The following PPP2R3A variants were observed in gnomAD, a reference collection of about 807,000 sequenced individuals.
The protein encoded by PPP2R3A is protein phosphatase 2 regulatory subunit B''alpha, also known as serine/threonine-protein phosphatase 2A regulatory subunit B'' subunit alpha.
Under a neutral mutation model 106.9 loss-of-function variants are expected in PPP2R3A, and 80 were observed. The observed-to-expected ratio is 0.75, with a 90% CI of 0.62 to 0.90. PPP2R3A has a LOEUF of 0.90. PPP2R3A is among the 40% of genes least tolerant of loss of function. PPP2R3A has a pLI of 0.00. For synonymous variants in PPP2R3A, 483 were observed against 468.3 expected, an observed-to-expected ratio of 1.03 and a Z score of -0.41; for missense variants, 1,386 against 1,350.4, an observed-to-expected ratio of 1.03 and a Z score of -0.41.
intron 2 of PPP2R3A, among the ~76,000 whole-genome samples, chr3:136,023,746 A>T (rs999437273): frequency 4.6e-5 from 7 of 152,082 alleles, no homozygotes; most frequent in African/African-American, 1.7e-4. Flanking sequence ...GATAACAAAG[A>T]CTGGTGGTTA....
chr3:136,147,605 A>G lies in PPP2R3A; in HGVS notation c.*2439A>G, dbSNP rs765569214. On this transcript the variant is annotated 3_prime_UTR_variant, in exon 14 of 14. Transcript: ENST00000264977. ...ACTGCCAAACTGGAATTTTCAAGTTATTATAATATCCCAGGCCCCTTGATA... is the reference window on the plus strand; with the variant it reads ...ACTGCCAAACTGGAATTTTCAAGTTGTTATAATATCCCAGGCCCCTTGATA... 9 of 152,546 alleles carry G rather than the reference A, an allele frequency of 5.9e-5. No homozygotes were observed. The highest frequency in any genetic ancestry group is 1.2e-4 in the Non-Finnish European group (8 of 67,942). The allele number at this position is 152,546 out of a possible 1,614,324, so 9.4% of individuals were successfully genotyped here.
chr3:136,009,378 T>C (rs902362728), intron 2 of PPP2R3A, among the ~76,000 whole-genome samples: 16 of 152,156 alleles, frequency 1.1e-4, no homozygotes, highest in Admixed American at 8.5e-4. Context: ...TGTAGTCATC[T>C]ACCAACCCAG....
chr3:136,062,635 G>A (rs1026254600), intron 5 of PPP2R3A, among the ~76,000 whole-genome samples: 9 of 151,276 alleles, frequency 5.9e-5, no homozygotes, highest in South Asian at 2.1e-4. Context: ...GGAGAATGGC[G>A]TGAACCTGGG....
chr3:136,055,594 C>G, intron 5 of PPP2R3A: 1 of 1,401,294 alleles, frequency 7.1e-7, no homozygotes, highest in Non-Finnish European at 1.0e-6. Flanking sequence ...AGTACTGTAT[C>G]CACACGAGCC....
In PPP2R3A at chr3:136,068,725, G is replaced by A. The variant is rs9861507; in HGVS notation, c.2470-1753G>A. Among the ~76,000 whole-genome samples the A allele has an allele frequency of 1.9e-3, 292 of 151,830 alleles. 3 individuals carry two copies. The highest frequency in any genetic ancestry group is 3.0e-3 in the Non-Finnish European group (206 of 68,016). On this transcript the variant is annotated intron_variant, in intron 5 of 13. Transcript: ENST00000264977. ...ATAGGATATTGACACTCTCAAAAGC[G>A]TCTGCCTCCATGATATTTATCTATT... is the stretch of plus-strand genomic sequence containing the variant.
At chr3:136,029,873 G>T (rs1378148181) in intron 3 of PPP2R3A, among the ~76,000 whole-genome samples, 2 of 152,114 alleles carry the variant, frequency 1.3e-5, no homozygotes, top group African/African-American at 4.8e-5. Flanking sequence ...AAAGTAAACT[G>T]CACATACCTT....
intron 10 of PPP2R3A, among the ~76,000 whole-genome samples, chr3:136,096,989 A>G (rs1417274566): frequency 6.6e-6 from 1 of 152,214 alleles, no homozygotes; most frequent in Admixed American, 6.5e-5. Flanking sequence ...AAAAAATGTA[A>G]TTTTGTTTAT....
In PPP2R3A at chr3:136,001,235, A is replaced by C. The variant is rs1576424110; in HGVS notation, c.-264A>C. 1 of 459,470 alleles carries C rather than the reference A, an allele frequency of 2.2e-6. No individual in the cohort carries two copies. Among genetic ancestry groups the C allele is most frequent in the East Asian group, 3.2e-5 (1 of 30,802 alleles). 28.5% of individuals were successfully genotyped at this position (459,470 alleles called of 1,614,324 possible). ...TATTCTTTCATCAAAATAATTCTGC[A>C]GTATCATAATATTACTAAATAAAAT... On this transcript the variant is annotated 5_prime_UTR_variant, in exon 2 of 14. Coordinates refer to ENST00000264977, the MANE Select transcript of PPP2R3A (RefSeq NM_002718.5).
At chr3:136,041,756 C>T (rs1004392202) in intron 4 of PPP2R3A, among the ~76,000 whole-genome samples, 2 of 152,162 alleles carry the variant, frequency 1.3e-5, no homozygotes, top group African/African-American at 4.8e-5. Flanking sequence ...TTGAAAGCTC[C>T]AGTTAAGGAA....
At position 136,002,729 on chromosome 3, in the gene PPP2R3A, T is replaced by C; in HGVS notation, c.1231T>C (p.Leu411=). Residue 411 remains leucine, a synonymous_variant, in exon 2 of 14, where the codon TTA becomes CTA. Coordinates refer to ENST00000264977, the MANE Select transcript of PPP2R3A (RefSeq NM_002718.5). ...NPLENVSSDD[L]METLYIEEES... is the part of the protein sequence containing the mutation. Reference sequence around the variant, plus strand: ...TTTAGAAAATGTTTCTTCTGACGACTTAATGGAAACTCTTTATATTGAAGA... The same window carrying C: ...TTTAGAAAATGTTTCTTCTGACGACCTAATGGAAACTCTTTATATTGAAGA... 1 of 1,612,998 alleles carries C rather than the reference T, an allele frequency of 6.2e-7. No homozygotes were observed. Among genetic ancestry groups the C allele is most frequent in the Non-Finnish European group, 8.5e-7 (1 of 1,179,658 alleles).
intron 1 of PPP2R3A, among the ~76,000 whole-genome samples, chr3:135,987,867 C>T (rs1366548695): frequency 6.6e-6 from 1 of 152,214 alleles, no homozygotes; most frequent in African/African-American, 2.4e-5. Flanking sequence ...AAAAATATTT[C>T]ATCATCACAG....
chr3:136,110,081 T>C (rs934908800), intron 13 of PPP2R3A, among the ~76,000 whole-genome samples: 1 of 151,964 alleles, frequency 6.6e-6, no homozygotes, highest in Non-Finnish European at 1.5e-5. Flanking sequence ...CAGCAACATA[T>C]CACATCCCAT....
chr3:136,025,314 A>G (rs1934608066), intron 2 of PPP2R3A, among the ~76,000 whole-genome samples: 4 of 152,206 alleles, frequency 2.6e-5, no homozygotes, highest in East Asian at 1.9e-4. Context: ...TAAGTTTTTC[A>G]TATTTCATTG....
At chr3:136,048,775 C>T (rs116704694) in intron 4 of PPP2R3A, among the ~76,000 whole-genome samples, 1,648 of 151,702 alleles carry the variant, frequency 0.011, 25 homozygotes, top group African/African-American at 0.033. Flanking sequence ...AAGCAACAAA[C>T]AAGAGCCTAA....
At chr3:136,140,460 A>AAAAAC (rs1288432765) in intron 13 of PPP2R3A, among the ~76,000 whole-genome samples, 1 of 150,770 alleles carries the variant, frequency 6.6e-6, no homozygotes, top group Non-Finnish European at 1.5e-5. Flanking sequence ...AAAAAAAAAA[A>AAAAAC]AAAACCCGGG....
intron 1 of PPP2R3A, among the ~76,000 whole-genome samples, chr3:135,995,370 A>G (rs951749238): frequency 1.3e-5 from 2 of 150,048 alleles, no homozygotes; most frequent in African/African-American, 2.5e-5. Flanking sequence ...AAAAAACTCT[A>G]TTGATTATGA....
chr3:136,025,027 T>C (rs1576442582), intron 2 of PPP2R3A, among the ~76,000 whole-genome samples: 1 of 152,304 alleles, frequency 6.6e-6, no homozygotes, highest in East Asian at 1.9e-4. Flanking sequence ...TGCAAATGAT[T>C]ATTTTATTAT....
chr3:136,087,940 A>G lies in PPP2R3A; in HGVS notation c.2837+9A>G, dbSNP rs745557724. ...TCTGGTGCAGTAACAAGGTAAGAAA[A>G]CGTTTAATGCTGTGTTTAAAAATGA... On this transcript the variant is annotated intron_variant, in intron 9 of 13. Coordinates refer to ENST00000264977, the MANE Select transcript of PPP2R3A (RefSeq NM_002718.5). The G allele has an allele frequency of 6.3e-7, 1 of 1,597,118 alleles. No individual in the cohort carries two copies. The highest frequency in any genetic ancestry group is 8.6e-7 in the Non-Finnish European group (1 of 1,165,444).
At chr3:135,988,949 G>A (rs1013953270) in intron 1 of PPP2R3A, among the ~76,000 whole-genome samples, 2 of 152,076 alleles carry the variant, frequency 1.3e-5, no homozygotes, top group African/African-American at 2.4e-5. Context: ...TTTGTCTAAC[G>A]TGTTGAGATG....
Sources: gnomAD v4.1 joint callset for allele counts (sites outside exome capture counted in the v4.1 genomes callset) on GRCh38, gnomAD v4.1.1 for gene constraint, MANE v1.5 for transcripts, NCBI Gene and HGNC (gene_info 2026-07-23, HGNC 2026-07-21) for gene names.